Variants in ZNF354A observed in about 807,000 individuals in gnomAD.
ZNF354A encodes the protein zinc finger protein 354A.
In ZNF354A, 25 loss-of-function variants were observed where a neutral mutation model predicts 53.3. That is an observed-to-expected ratio of 0.47 (90% CI 0.34 to 0.66). ZNF354A has a LOEUF of 0.66. Among genes scored for constraint, ZNF354A ranks in the 30% least tolerant of loss-of-function variants. The pLI is 0.01. For missense variants in ZNF354A, 586 were observed against 716.8 expected (o/e 0.82, Z 2.08); for synonymous variants, 228 against 249.0 (o/e 0.92, Z 0.79).
At chr5:178,714,376 G>T (rs1262105382) in intron 4 of ZNF354A, among the ~76,000 whole-genome samples, 1 of 152,104 alleles carries the variant, frequency 6.6e-6, no homozygotes, top group African/African-American at 2.4e-5. Context: ...TTCAGATTCA[G>T]TTCAAAAATG....
chr5:178,716,881 C>T (rs1403142370), intron 4 of ZNF354A, among the ~76,000 whole-genome samples: 1 of 151,968 alleles, frequency 6.6e-6, no homozygotes, highest in Non-Finnish European at 1.5e-5. Context: ...GAATTCAAGG[C>T]CAGCCTGGCC....
chr5:178,726,399 G>A (rs1765908609), intron 3 of ZNF354A, among the ~76,000 whole-genome samples: 1 of 151,010 alleles, frequency 6.6e-6, no homozygotes, highest in Non-Finnish European at 1.5e-5. Context: ...CAAGCTCCTC[G>A]CCATTCTCCT....
chr5:178,721,159 TTA>T (rs1765805262), intron 4 of ZNF354A, among the ~76,000 whole-genome samples: 1 of 152,300 alleles, frequency 6.6e-6, no homozygotes, highest in South Asian at 2.1e-4. Flanking sequence ...TCTTTTGCTT[TTA>T]TCTTTCTAAA....
At chr5:178,722,626 C>T (rs948496278) in intron 4 of ZNF354A, among the ~76,000 whole-genome samples, 2 of 152,224 alleles carry the variant, frequency 1.3e-5, no homozygotes, top group African/African-American at 4.8e-5. Flanking sequence ...CTGTCTCCAA[C>T]ACCACTAACC....
intron 4 of ZNF354A, among the ~76,000 whole-genome samples, chr5:178,719,804 G>A (rs868604041): frequency 2.6e-4 from 39 of 152,082 alleles, no homozygotes; most frequent in African/African-American, 7.7e-4. Flanking sequence ...AAAATTAGCC[G>A]GGCGTAGTGG....
chr5:178,728,271 G>A (rs1387280532), intron 2 of ZNF354A, among the ~76,000 whole-genome samples: 1 of 151,734 alleles, frequency 6.6e-6, no homozygotes, highest in Admixed American at 6.6e-5. Context: ...TGCCCCTTAG[G>A]GTTAAGAAAT....
rs1374481293 is a variant in ZNF354A, at chr5:178,725,343, G to A, written c.256+33C>T. 7.5e-6 allele frequency: 12 copies of A among 1,598,566 alleles called. No individual in the cohort carries two copies. The South Asian group carries it at 1.1e-4, about 15-fold the overall frequency. On this transcript the variant is annotated intron_variant, in intron 4 of 4. Transcript: ENST00000335815. The stretch of plus-strand genomic sequence containing the variant: ...CCTCTCATTAACCAGACCATTGTCT[G>A]CGGCCATTCCGCACCTCGGGCCACC...
intron 3 of ZNF354A, among the ~76,000 whole-genome samples, chr5:178,726,601 A>G (rs1581749861): frequency 6.6e-6 from 1 of 152,288 alleles, no homozygotes; most frequent in East Asian, 1.9e-4. Context: ...TGCCCAGCCT[A>G]CATGGCTTTT....
chr5:178,717,077 C>CAAAAAAAAAAAAAAAAAAAAAAAAAA (rs5873633), intron 4 of ZNF354A, among the ~76,000 whole-genome samples: 1 of 65,522 alleles, frequency 1.5e-5, no homozygotes, highest in African/African-American at 6.3e-5. Context: ...GACTCCATCT[C>CAAAAAAAAAAAAAAAAAAAAAAAAAA]AAAAAAAAAA....
At chr5:178,726,476 T>TA (rs1765910323) in intron 3 of ZNF354A, among the ~76,000 whole-genome samples, 3 of 151,298 alleles carry the variant, frequency 2.0e-5, no homozygotes, top group Admixed American at 6.6e-5. Flanking sequence ...TTTTTTTGTG[T>TA]TTTTTAGTAG....
chr5:178,713,340 G>A lies in ZNF354A; in HGVS notation c.538C>T (p.Leu180Phe), dbSNP rs756148987. The A allele has an allele frequency of 9.9e-6, 16 of 1,614,022 alleles. No homozygotes were observed. Among genetic ancestry groups the A allele is most frequent in the South Asian group, 3.3e-5 (3 of 91,090 alleles). Residue 180 changes from leucine (L) to phenylalanine (F), a missense_variant, in exon 5 of 5, where the codon CTT (leucine) becomes TTT (phenylalanine). By Grantham distance (22) the Leu-to-Phe change is conservative (BLOSUM62 0). Around this residue, in one of 2 missense-constraint regions of ZNF354A, gnomAD observed 573 missense variants for 680.1 expected, o/e 0.84. Transcript: ENST00000335815. ...PKSVLIRQQI[L>F]PREKTPPKCE... is the part of the protein sequence containing the mutation. ...TTTGGTGGTGTTTTTTCTCTGGGAA[G>A]TATCTGTTGCCTAATAAGCACTGAC...
chr5:178,721,941 C>T (rs1490143261), intron 4 of ZNF354A, among the ~76,000 whole-genome samples: 2 of 151,982 alleles, frequency 1.3e-5, no homozygotes, highest in African/African-American at 4.8e-5. Context: ...TTCTCCCTCC[C>T]TCAGCCCCCT....
chr5:178,714,603 T>A (rs145740485), intron 4 of ZNF354A, among the ~76,000 whole-genome samples: 1 of 152,218 alleles, frequency 6.6e-6, no homozygotes, highest in African/African-American at 2.4e-5. Context: ...TTCCTACAGA[T>A]CCTCTTGACA....
Position 178,713,094 on chromosome 5 carries a change from T to C in ZNF354A, c.784A>G (p.Ile262Val), listed in dbSNP as rs1335635083. The C allele has an allele frequency of 2.5e-6, 4 of 1,613,838 alleles. No individual in the cohort carries two copies. The highest frequency in any genetic ancestry group is 3.4e-6 in the Non-Finnish European group (4 of 1,179,874). Residue 262 changes from isoleucine to valine, a missense_variant, in exon 5 of 5, where the codon ATA becomes GTA. Around this residue, in one of 2 missense-constraint regions of ZNF354A, gnomAD observed 573 missense variants for 680.1 expected, o/e 0.84. Transcript: ENST00000335815. ...TAGGGTTTCTCTCCAGTATGCGTTA[T>C]TTGATGTTGAATAAGAGCTGAACTT... ...SQSSALIQHQ[I>V]THTGEKPYIC...
chr5:178,718,594 T>C (rs867394316), intron 4 of ZNF354A, among the ~76,000 whole-genome samples: 3 of 152,252 alleles, frequency 2.0e-5, no homozygotes, highest in Non-Finnish European at 4.4e-5. Flanking sequence ...TGTCCAAATC[T>C]GAACCCAGAG....
intron 4 of ZNF354A, among the ~76,000 whole-genome samples, chr5:178,717,898 G>A (rs558710248): frequency 6.6e-6 from 1 of 152,218 alleles, no homozygotes. Context: ...AGGTTGTTTG[G>A]GATTTAATAA....
chr5:178,722,285 A>G (rs770522697), intron 4 of ZNF354A, among the ~76,000 whole-genome samples: 2 of 152,186 alleles, frequency 1.3e-5, no homozygotes, highest in Non-Finnish European at 2.9e-5. Context: ...TTACATTTCA[A>G]GCTCAGTCTA....
chr5:178,727,507 T>C (rs1171734358), intron 2 of ZNF354A, among the ~76,000 whole-genome samples: 4 of 152,232 alleles, frequency 2.6e-5, no homozygotes, highest in Non-Finnish European at 5.9e-5. Flanking sequence ...ATATTCATGG[T>C]GTTTTTAAGA....
intron 4 of ZNF354A, among the ~76,000 whole-genome samples, chr5:178,721,168 TAAA>T (rs923600685): frequency 1.3e-5 from 2 of 151,938 alleles, no homozygotes; most frequent in African/African-American, 4.8e-5. Context: ...TTTATCTTTC[TAAA>T]AAAAATAATT....
Sources: allele counts gnomAD v4.1 joint callset (sites outside exome capture counted in the v4.1 genomes callset), GRCh38; gene constraint gnomAD v4.1.1; regional missense constraint gnomAD v4.1.1; transcripts MANE v1.5; gene names NCBI Gene and HGNC (gene_info 2026-07-23, HGNC 2026-07-21).